Variants in NFE2L3 observed in about 807,000 individuals in gnomAD.
NFE2L3 encodes the protein NFE2 like bZIP transcription factor 3, also known as nuclear factor erythroid 2-related factor 3.
In NFE2L3, 18 loss-of-function variants were observed where a neutral mutation model predicts 23.5. That is an observed-to-expected ratio of 0.77 (90% CI 0.53 to 1.13). The LOEUF (loss-of-function observed/expected upper bound fraction) is 1.13, where lower values mean the gene tolerates loss of function less well. NFE2L3 is among the 50% of genes most tolerant of loss of function. The probability of loss-of-function intolerance (pLI) is 0.00; values close to 1 mark genes in which losing one functional copy is unlikely to be tolerated. For missense variants in NFE2L3, 1,152 were observed against 877.2 expected (o/e 1.31, Z -3.96); for synonymous variants, 424 against 354.5 (o/e 1.20, Z -2.20).
At chr7:26,179,942 C>T (rs531437210) in intron 2 of NFE2L3, among the ~76,000 whole-genome samples, 1 of 152,224 alleles carries the variant, frequency 6.6e-6, no homozygotes, top group African/African-American at 2.4e-5. Flanking sequence ...GGGAGTCTTC[C>T]TCTTGACAGG....
Position 26,186,670 on chromosome 7 carries a change from A to ATCTT in NFE2L3, c.*888_*891dup. 1 of 152,326 alleles carries ATCTT rather than the reference A, an allele frequency of 6.6e-6. No individual in the cohort carries two copies. Among genetic ancestry groups the ATCTT allele is most frequent in the Admixed American group, 6.5e-5 (1 of 15,292 alleles). The allele number at this position is 152,326 out of a possible 1,614,324, so 9.4% of individuals were successfully genotyped here. On this transcript the variant is annotated 3_prime_UTR_variant, in exon 4 of 4. Transcript: ENST00000056233. ...GCCAGCCTGAAGGGATGGCCTCACC[A>ATCTT]TCTTAGAATACTGAGATCTCACCAG...
chr7:26,159,480 T>G (rs1784137075), intron 1 of NFE2L3, among the ~76,000 whole-genome samples: 1 of 152,206 alleles, frequency 6.6e-6, no homozygotes, highest in Non-Finnish European at 1.5e-5. Flanking sequence ...GGTCTTGGCT[T>G]TCACCTGAAA....
In NFE2L3 at chr7:26,152,805, G is replaced by A. The variant is rs1248052197; in HGVS notation, c.307G>A (p.Val103Ile). 1.3e-6 allele frequency: 2 copies of A among 1,487,838 alleles called. No homozygotes were observed. Among genetic ancestry groups the A allele is most frequent in the African/African-American group, 1.5e-5 (1 of 68,492 alleles). The allele number at this position is 1,487,838 out of a possible 1,614,324, so 92.2% of individuals were successfully genotyped here. The change falls in exon 1 of 4, where the codon GTC (valine) becomes ATC (isoleucine). Residue 103 changes from valine (V) to isoleucine (I), a missense_variant. Physicochemically the swap from Val to Ile is conservative, Grantham distance 29 (BLOSUM62 3). Transcript: ENST00000056233. The surrounding 1 kb of genome is among the most constrained non-coding windows in gnomAD (Gnocchi z 4.4). ...REVRALGVPF[V>I]PRTSVDAWLV... ...GGTGCGCGCGCTCGGGGTCCCCTTC[G>A]TCCCTCGCACCAGCGTGGATGCATG...
intron 1 of NFE2L3, among the ~76,000 whole-genome samples, chr7:26,171,480 G>A (rs1169341179): frequency 6.6e-6 from 1 of 151,782 alleles, no homozygotes; most frequent in Non-Finnish European, 1.5e-5. Flanking sequence ...GCAGGTGGAG[G>A]TTGCGGTGAG....
chr7:26,182,248 T>G (rs1221615840), intron 2 of NFE2L3, among the ~76,000 whole-genome samples: 1 of 152,026 alleles, frequency 6.6e-6, no homozygotes, highest in Non-Finnish European at 1.5e-5. Context: ...TAGTAATAAA[T>G]GCCATAAGAC....
chr7:26,166,147 G>T (rs1288727032), intron 1 of NFE2L3, among the ~76,000 whole-genome samples: 1 of 151,806 alleles, frequency 6.6e-6, no homozygotes, highest in African/African-American at 2.4e-5. Flanking sequence ...GGGGGGGAAA[G>T]AATTCACCCT....
intron 1 of NFE2L3, among the ~76,000 whole-genome samples, chr7:26,154,668 A>T (rs901596095): frequency 4.6e-5 from 7 of 152,140 alleles, no homozygotes; most frequent in African/African-American, 1.2e-4. Flanking sequence ...CTTCCACTTC[A>T]GTCTCCCAGG....
chr7:26,152,763 G>A lies in NFE2L3; in HGVS notation c.265G>A (p.Gly89Ser). 2.0e-6 allele frequency: 3 copies of A among 1,478,218 alleles called. No homozygotes were observed. The highest frequency in any genetic ancestry group is 2.7e-6 in the Non-Finnish European group (3 of 1,122,262). 91.6% of individuals were successfully genotyped at this position (1,478,218 alleles called of 1,614,324 possible). A position where few individuals can be genotyped will look rare whatever the true frequency, so the allele number is the denominator to read the frequency against. ...RELDPAAPPE[G>S]QLLREVRALG... Reference sequence around the variant, plus strand: ...GCTGGACCCTGCCGCGCCGCCCGAGGGCCAGCTGCTCCGGGAGGTGCGCGC... The same window carrying A: ...GCTGGACCCTGCCGCGCCGCCCGAGAGCCAGCTGCTCCGGGAGGTGCGCGC... The change falls in exon 1 of 4, where the codon GGC (glycine) becomes AGC (serine). Residue 89 changes from glycine (G) to serine (S), a missense_variant. Transcript: ENST00000056233. This position sits in a 1 kb window ranked among gnomAD's most constrained non-coding sequence, Gnocchi z 4.4.
chr7:26,186,067 T>C lies in NFE2L3; in HGVS notation c.*284T>C. ...TTAACATGAAAACCCAGTAAGACTTTCCATCTTGGCAGCCATCCTTTTTAA... is the reference window on the plus strand; with the variant it reads ...TTAACATGAAAACCCAGTAAGACTTCCCATCTTGGCAGCCATCCTTTTTAA... On this transcript the variant is annotated 3_prime_UTR_variant, in exon 4 of 4. Coordinates refer to ENST00000056233, the MANE Select transcript of NFE2L3 (RefSeq NM_004289.7). 1 of 254,358 alleles carries C rather than the reference T, an allele frequency of 3.9e-6. No homozygotes were observed. Among genetic ancestry groups the C allele is most frequent in the Non-Finnish European group, 7.4e-6 (1 of 134,486 alleles). 15.8% of individuals were successfully genotyped at this position (254,358 alleles called of 1,614,324 possible).
At chr7:26,178,207 A>C in intron 2 of NFE2L3, 85 bp downstream of exon 2, 1 of 1,181,022 alleles carries the variant, frequency 8.5e-7, no homozygotes, top group Non-Finnish European at 1.2e-6. Context: ...AAGAATGAGC[A>C]TGTAAAACAG....
At chr7:26,181,221 C>T (rs1480568296) in intron 2 of NFE2L3, among the ~76,000 whole-genome samples, 3 of 152,186 alleles carry the variant, frequency 2.0e-5, no homozygotes, top group African/African-American at 7.2e-5. Flanking sequence ...AAGCAATCTG[C>T]CCACTTTGGC....
At chr7:26,171,068 T>C (rs1185506500) in intron 1 of NFE2L3, among the ~76,000 whole-genome samples, 1 of 152,224 alleles carries the variant, frequency 6.6e-6, no homozygotes, top group East Asian at 1.9e-4. Flanking sequence ...GTAGGAATTA[T>C]AATTGGCACA....
At chr7:26,184,454 G>A (rs1782427601) in intron 3 of NFE2L3, 79 bp from the exon 4 acceptor site, 2 of 1,328,574 alleles carry the variant, frequency 1.5e-6, no homozygotes, top group East Asian at 4.6e-5. Context: ...CAAAAGAGGG[G>A]AAAGAAAGTT....
At chr7:26,153,679 A>G (rs979363754) in intron 1 of NFE2L3, among the ~76,000 whole-genome samples, 1 of 152,194 alleles carries the variant, frequency 6.6e-6, no homozygotes, top group Non-Finnish European at 1.5e-5. Context: ...GTAACCTCTT[A>G]TTAGCATAAC....
In NFE2L3 at chr7:26,184,277, CTT is replaced by C. The variant is rs757259939; in HGVS notation, c.835-252_835-251del. 4 of 434,318 alleles carry C rather than the reference CTT, an allele frequency of 9.2e-6. No individual in the cohort carries two copies. The South Asian group carries it at 1.1e-4, about 11-fold the overall frequency. 26.9% of individuals were successfully genotyped at this position (434,318 alleles called of 1,614,324 possible). A position where few individuals can be genotyped will look rare whatever the true frequency, so the allele number is the denominator to read the frequency against. ...CAAATTACAAGATTGTAACATTAGA[CTT>C]TTTAAGAAAATCCAGTCAGCTTTTA... On this transcript the variant is annotated intron_variant, in intron 3 of 3. Coordinates refer to ENST00000056233, the MANE Select transcript of NFE2L3 (RefSeq NM_004289.7).
At chr7:26,183,527 CAG>C (rs1246024799) in intron 2 of NFE2L3, among the ~76,000 whole-genome samples, 172 bp from the exon 3 acceptor site, 3 of 143,770 alleles carry the variant, frequency 2.1e-5, no homozygotes, top group African/African-American at 7.6e-5. Flanking sequence ...CATTCTGGGC[CAG>C]AGTGAGATCC....
chr7:26,163,934 G>T (rs1234333933), intron 1 of NFE2L3, among the ~76,000 whole-genome samples: 1 of 151,836 alleles, frequency 6.6e-6, no homozygotes, highest in Non-Finnish European at 1.5e-5. Flanking sequence ...GTGCTAGTTT[G>T]CTGAGAATGA....
At position 26,152,636 on chromosome 7, in the gene NFE2L3, G is replaced by T; in HGVS notation, c.138G>T (p.Leu46=). The T allele has an allele frequency of 1.3e-6, 2 of 1,526,030 alleles. No homozygotes were observed. Among genetic ancestry groups the T allele is most frequent in the Non-Finnish European group, 1.7e-6 (2 of 1,146,886 alleles). 94.5% of individuals were successfully genotyped at this position (1,526,030 alleles called of 1,614,324 possible). ...CGCCCACCCTGCTGCAGGACGAGCT[G>T]CTGTTCCTGGGCGGCCCGGCCAGCT... is the stretch of plus-strand genomic sequence containing the variant. The part of the protein sequence containing the change: ...LPPPTLLQDE[L]LFLGGPASSA... The change falls in exon 1 of 4, where the codon CTG becomes CTT. Residue 46 remains leucine, a synonymous_variant. Transcript: ENST00000056233. This position sits in a 1 kb window ranked among gnomAD's most constrained non-coding sequence, Gnocchi z 4.4.
At chr7:26,176,822 GA>G (rs1207130397) in intron 1 of NFE2L3, among the ~76,000 whole-genome samples, 1 of 124,748 alleles carries the variant, frequency 8.0e-6, no homozygotes, top group African/African-American at 3.0e-5. Context: ...TGGCCAGGCA[GA>G]GGCGCTCCTC....
Sources: allele counts gnomAD v4.1 joint callset (sites outside exome capture counted in the v4.1 genomes callset), GRCh38; gene constraint gnomAD v4.1.1; non-coding constraint Gnocchi (gnomAD v3.1); transcripts MANE v1.5; gene names NCBI Gene and HGNC (gene_info 2026-07-23, HGNC 2026-07-21).